Variants in NEK11 observed in about 807,000 individuals in gnomAD.
The protein encoded by NEK11 is NIMA related kinase 11, also known as serine/threonine-protein kinase Nek11.
Under a neutral mutation model 80.7 loss-of-function variants are expected in NEK11, and 72 were observed. The ratio of observed to expected loss-of-function variants is 0.89; its 90% confidence interval spans 0.74 to 1.08. The LOEUF (loss-of-function observed/expected upper bound fraction) is 1.08, where lower values mean the gene tolerates loss of function less well. Ranked by LOEUF, NEK11 falls within the 50% of genes least tolerant of loss-of-function variation. NEK11 has a pLI of 0.00. For missense variants in NEK11, 764 were observed against 763.6 expected, an observed-to-expected ratio of 1.00 and a Z score of -0.01; for synonymous variants, 251 against 260.7, an observed-to-expected ratio of 0.96 and a Z score of 0.36.
intron 3 of NEK11, among the ~76,000 whole-genome samples, chr3:131,055,814 T>C (rs2069361894): frequency 6.6e-6 from 1 of 152,152 alleles, no homozygotes; most frequent in Non-Finnish European, 1.5e-5. Flanking sequence ...TACTTGGTAG[T>C]TCATATTACG....
intron 17 of NEK11, among the ~76,000 whole-genome samples, chr3:131,332,984 C>T (rs1318265600): frequency 5.3e-5 from 8 of 152,068 alleles, no homozygotes; most frequent in Admixed American, 5.2e-4. Flanking sequence ...ACCAAATCTA[C>T]GTCTGATTGG....
chr3:131,273,418 A>G, intron 16 of NEK11, 60 bp from the exon 17 acceptor site: 2 of 1,324,780 alleles, frequency 1.5e-6, no homozygotes, highest in South Asian at 2.4e-5. Flanking sequence ...GCCCTTGAAC[A>G]TCGCCTTGAA....
chr3:131,226,298 TGTC>T (rs1417681696), intron 14 of NEK11, among the ~76,000 whole-genome samples: 1 of 152,190 alleles, frequency 6.6e-6, no homozygotes, highest in Non-Finnish European at 1.5e-5. Flanking sequence ...GTGATTCTCT[TGTC>T]GTTCTCAGTG....
intron 17 of NEK11, among the ~76,000 whole-genome samples, chr3:131,342,534 C>A (rs2097301487): frequency 6.7e-6 from 1 of 148,186 alleles, no homozygotes; most frequent in Non-Finnish European, 1.5e-5. Flanking sequence ...CACTGTGTCA[C>A]TAGTCTCCTG....
In NEK11 at chr3:131,029,650, G is replaced by A; in HGVS notation, c.-59G>A. On this transcript the variant is annotated 5_prime_UTR_variant, in exon 3 of 18. The change abolishes the stop of an existing upstream ORF in the 5' untranslated region. Transcript: ENST00000383366. ...ACTGGATGAATTTGACCATTTCTTAGGAGACTGGAATGTTAAGTTTCTATA... is the reference window on the plus strand; with the variant it reads ...ACTGGATGAATTTGACCATTTCTTAAGAGACTGGAATGTTAAGTTTCTATA... 19 of 1,518,704 alleles carry A rather than the reference G, an allele frequency of 1.3e-5. No individual in the cohort carries two copies. The highest frequency in any genetic ancestry group is 1.6e-5 in the Non-Finnish European group (18 of 1,103,402). The allele number at this position is 1,518,704 out of a possible 1,614,324, so 94.1% of individuals were successfully genotyped here. A position where few individuals can be genotyped will look rare whatever the true frequency, so the allele number is the denominator to read the frequency against.
In NEK11 at chr3:131,133,875, C is replaced by A; in HGVS notation, c.566C>A (p.Ala189Asp). ...SRLLMGSCDL[A>D]TTLTGTPHYM... Reference sequence around the variant, plus strand: ...CTTCTAATGGGATCCTGTGACCTGGCCACAACTTTAACTGGAACTCCCCAT... The same window carrying A: ...CTTCTAATGGGATCCTGTGACCTGGACACAACTTTAACTGGAACTCCCCAT... Residue 189 changes from alanine (A) to aspartate (D), a missense_variant, in exon 7 of 18, where the codon GCC (alanine) becomes GAC (aspartate). Transcript: ENST00000383366. 1.2e-6 allele frequency: 2 copies of A among 1,611,644 alleles called. No individual in the cohort carries two copies. The highest frequency in any genetic ancestry group is 1.7e-6 in the Non-Finnish European group (2 of 1,178,246).
intron 3 of NEK11, among the ~76,000 whole-genome samples, chr3:131,057,825 C>G (rs1390136501): frequency 6.6e-6 from 1 of 151,990 alleles, no homozygotes; most frequent in Non-Finnish European, 1.5e-5. Flanking sequence ...AAATTTTCTC[C>G]CATTTTGTAG....
Position 131,197,281 on chromosome 3 carries a change from G to A in NEK11, c.1399+26394G>A, listed in dbSNP as rs150837503. On this transcript the variant is annotated intron_variant, in intron 14 of 17. Coordinates refer to ENST00000383366, the MANE Select transcript of NEK11 (RefSeq NM_024800.5). ...TAACTGCTTCCTGCTGAATTGGGGC[G>A]TAGTGGGGGTTATGCAGTTGAGATT... is the stretch of plus-strand genomic sequence containing the variant. 5.5e-3 allele frequency among the ~76,000 whole-genome samples: 830 copies of A among 152,270 alleles called. 12 individuals carry two copies. Among genetic ancestry groups the A allele is most frequent in the African/African-American group, 0.019 (789 of 41,550 alleles).
At chr3:131,287,470 C>T (rs550799943) in intron 17 of NEK11, among the ~76,000 whole-genome samples, 5 of 152,188 alleles carry the variant, frequency 3.3e-5, no homozygotes, top group South Asian at 4.2e-4. Flanking sequence ...GATGGGGTTT[C>T]GCCATGTTGG....
chr3:131,138,832 G>C (rs948321753), intron 7 of NEK11, among the ~76,000 whole-genome samples: 1 of 152,138 alleles, frequency 6.6e-6, no homozygotes, highest in African/African-American at 2.4e-5. Context: ...GGCTTGGGGT[G>C]GCCCCAATGC....
At chr3:131,151,303 A>G (rs1324126191) in intron 7 of NEK11, among the ~76,000 whole-genome samples, 1 of 152,020 alleles carries the variant, frequency 6.6e-6, no homozygotes, top group African/African-American at 2.4e-5. Context: ...TTGTTGAGAT[A>G]TTGTCAGTGC....
At chr3:131,195,612 C>T (rs2093971390) in intron 14 of NEK11, among the ~76,000 whole-genome samples, 1 of 151,932 alleles carries the variant, frequency 6.6e-6, no homozygotes, top group Non-Finnish European at 1.5e-5. Context: ...AGGGCTACTG[C>T]ATACAGTTGT....
intron 14 of NEK11, among the ~76,000 whole-genome samples, chr3:131,210,678 T>G (rs2094582022): frequency 6.6e-6 from 1 of 152,210 alleles, no homozygotes; most frequent in African/African-American, 2.4e-5. Flanking sequence ...GTATATATAT[T>G]TAGGATAGTT....
At chr3:131,195,819 T>TAA (rs1011486921) in intron 14 of NEK11, among the ~76,000 whole-genome samples, 6 of 141,312 alleles carry the variant, frequency 4.2e-5, no homozygotes, top group African/African-American at 1.5e-4. Flanking sequence ...TATATATATA[T>TAA]AAAATTGAAG....
At chr3:131,090,867 T>C (rs13077471) in intron 4 of NEK11, among the ~76,000 whole-genome samples, 28,013 of 152,122 alleles carry the variant, frequency 0.18, 2,651 homozygotes, top group Middle Eastern at 0.22. Context: ...TGGACTCAAA[T>C]GCTCTTCCCA....
At position 131,181,574 on chromosome 3, in the gene NEK11, A is replaced by G. The variant is rs188001780; in HGVS notation, c.1399+10687A>G. Among the ~76,000 whole-genome samples the G allele has an allele frequency of 5.9e-3, 897 of 152,010 alleles. 6 individuals are homozygous for G. Among genetic ancestry groups the G allele is most frequent in the African/African-American group, 0.018 (745 of 41,484 alleles). On this transcript the variant is annotated intron_variant, in intron 14 of 17. Coordinates refer to ENST00000383366, the MANE Select transcript of NEK11 (RefSeq NM_024800.5). ...ATCCTGGCTAACACGATGAAACCCCATCTCTACTAAAAATACAAAAAATTA... is the reference window on the plus strand; with the variant it reads ...ATCCTGGCTAACACGATGAAACCCCGTCTCTACTAAAAATACAAAAAATTA...
chr3:131,282,856 A>G (rs1353848408), intron 17 of NEK11, among the ~76,000 whole-genome samples: 1 of 151,598 alleles, frequency 6.6e-6, no homozygotes, highest in Non-Finnish European at 1.5e-5. Flanking sequence ...TGTTCCTAAG[A>G]TAGGGTAGTA....
intron 17 of NEK11, among the ~76,000 whole-genome samples, chr3:131,332,650 C>T (rs1285920116): frequency 2.0e-5 from 3 of 152,138 alleles, no homozygotes; most frequent in Non-Finnish European, 4.4e-5. Context: ...AAGAAGGCTT[C>T]AGATGATCAA....
intron 4 of NEK11, among the ~76,000 whole-genome samples, chr3:131,085,402 T>C (rs1280708269): frequency 6.6e-6 from 1 of 152,148 alleles, no homozygotes; most frequent in African/African-American, 2.4e-5. Context: ...ACAGAGATAA[T>C]ATGATAATAT....
Sources: allele counts gnomAD v4.1 joint callset (sites outside exome capture counted in the v4.1 genomes callset), GRCh38; gene constraint gnomAD v4.1.1; transcripts MANE v1.5; gene names NCBI Gene and HGNC (gene_info 2026-07-23, HGNC 2026-07-21).